Variants in TTC7A observed in about 807,000 individuals in gnomAD.
The protein encoded by TTC7A is tetratricopeptide repeat domain 7A.
A neutral mutation model predicts 103.7 loss-of-function variants in TTC7A; 110 were observed. The observed-to-expected ratio is 1.06, with a 90% CI of 0.91 to 1.24. The LOEUF (loss-of-function observed/expected upper bound fraction) is 1.24, where lower values mean the gene tolerates loss of function less well. Among genes scored for constraint, TTC7A ranks in the 50% most tolerant of loss-of-function variants. The pLI, the probability that TTC7A is intolerant of heterozygous loss-of-function variation, is 0.00. For missense variants in TTC7A, 1,340 were observed against 1,116.3 expected (o/e 1.20, Z -2.86); for synonymous variants, 521 against 467.9 (o/e 1.11, Z -1.47).
chr2:47,048,794 G>A (rs908058757), intron 16 of TTC7A, among the ~76,000 whole-genome samples: 4 of 151,986 alleles, frequency 2.6e-5, no homozygotes, highest in African/African-American at 7.3e-5. Context: ...GTAGAGATGG[G>A]GTCATACTCT....
chr2:47,023,540 C>G, intron 13 of TTC7A, 75 bp downstream of exon 13: 8 of 1,419,622 alleles, frequency 5.6e-6, no homozygotes, highest in Non-Finnish European at 7.0e-6. Context: ...CGTCATCAGA[C>G]CCTCTGATGT....
chr2:46,936,463 T>A (rs554747218), upstream of TTC7A, among the ~76,000 whole-genome samples: 27 of 152,290 alleles, frequency 1.8e-4, no homozygotes, highest in African/African-American at 6.3e-4. Context: ...ACCCTCTGTC[T>A]GCTGGGAACT....
At chr2:46,938,973 T>C (rs1670115260), upstream of TTC7A, among the ~76,000 whole-genome samples, 2 of 147,128 alleles carry the variant, frequency 1.4e-5, no homozygotes, top group African/African-American at 5.1e-5. Context: ...ATCGTGCCAC[T>C]GCATTCCAGC....
At chr2:46,999,731 T>C (rs13399571) in intron 8 of TTC7A, 77,923 of 985,346 alleles carry the variant, frequency 0.079, 3,700 homozygotes, top group African/African-American at 0.19. Context: ...AACTAGGAGA[T>C]ACAGGAATCT....
In TTC7A at chr2:47,014,298, C is replaced by T. The variant is rs192636919; in HGVS notation, c.1392+2863C>T. 3.2e-4 allele frequency among the ~76,000 whole-genome samples: 48 copies of T among 152,280 alleles called. 1 individual carries two copies. In the East Asian group the frequency reaches 8.9e-3, roughly 28 times the overall value. Reference sequence around the variant, plus strand: ...ACGAAGCGACACACATCCCAACCTGCCAGGAAGGGACCAGATGAGGGATCT... The same window carrying T: ...ACGAAGCGACACACATCCCAACCTGTCAGGAAGGGACCAGATGAGGGATCT... On this transcript the variant is annotated intron_variant, in intron 11 of 19. Coordinates refer to ENST00000319190, the MANE Select transcript of TTC7A (RefSeq NM_020458.4).
intron 15 of TTC7A, among the ~76,000 whole-genome samples, chr2:47,032,285 C>G (rs1680629137): frequency 6.6e-6 from 1 of 152,140 alleles, no homozygotes. Flanking sequence ...CAAAGGGAGC[C>G]CGACCTCAAA....
At chr2:46,989,578 A>ATC (rs1417372358) in intron 5 of TTC7A, among the ~76,000 whole-genome samples, 1 of 150,618 alleles carries the variant, frequency 6.6e-6, no homozygotes, top group Non-Finnish European at 1.5e-5. Context: ...GGGACCCCAG[A>ATC]TCTCTCCCTG....
At chr2:47,044,096 C>T (rs1682052954) in intron 15 of TTC7A, among the ~76,000 whole-genome samples, 1 of 152,174 alleles carries the variant, frequency 6.6e-6, no homozygotes, top group Non-Finnish European at 1.5e-5. Context: ...GAGGGGCTTT[C>T]CCACCTCACT....
At chr2:47,073,664 G>T (rs749357062) in intron 19 of TTC7A, 38 bp from the exon 20 acceptor site, 7 of 1,592,208 alleles carry the variant, frequency 4.4e-6, no homozygotes, top group Non-Finnish European at 3.4e-6. Context: ...TGTGCCATGG[G>T]ACACCCCTAC....
intron 10 of TTC7A, among the ~76,000 whole-genome samples, chr2:47,010,744 G>T (rs890277905): frequency 2.6e-5 from 4 of 152,204 alleles, no homozygotes; most frequent in African/African-American, 9.7e-5. Context: ...GTGTCACCCA[G>T]GCTGGAGTGC....
rs1320846036 is a variant in TTC7A, at chr2:47,006,619, GCTGA to G, written c.1204-19_1204-16del. ...GTGGGAGGACCCCTGGTGGGTAAAT[GCTGA>G]CTATCTCCCCTCCCCAGTGCCTGGA... is the stretch of plus-strand genomic sequence containing the variant. On this transcript the variant is annotated intron_variant, in intron 9 of 19. Transcript: ENST00000319190. The G allele has an allele frequency of 6.2e-7, 1 of 1,607,510 alleles. No homozygotes were observed. The highest frequency in any genetic ancestry group is 1.3e-5 in the African/African-American group (1 of 74,914).
chr2:46,935,207 G>C (rs1210230180), intron 2 of TTC7A, among the ~76,000 whole-genome samples: 2 of 152,054 alleles, frequency 1.3e-5, no homozygotes, highest in Non-Finnish European at 2.9e-5. Context: ...GCTGTGAAGG[G>C]GTCAGGCGTG....
intron 4 of TTC7A, among the ~76,000 whole-genome samples, chr2:46,977,676 C>T (rs930014765): frequency 6.6e-6 from 1 of 152,166 alleles, no homozygotes; most frequent in African/African-American, 2.4e-5. Context: ...GGAATCCATA[C>T]CTGGCTAGGC....
chr2:46,924,378 C>G (rs1669278808), intron 2 of TTC7A, among the ~76,000 whole-genome samples: 1 of 152,052 alleles, frequency 6.6e-6, no homozygotes. Flanking sequence ...GAGAATTTTC[C>G]CTACTTTATT....
intron 5 of TTC7A, among the ~76,000 whole-genome samples, chr2:46,985,781 G>A (rs1171180245): frequency 6.6e-6 from 1 of 152,218 alleles, no homozygotes; most frequent in Non-Finnish European, 1.5e-5. Flanking sequence ...TGGTCACAGT[G>A]ATATCCTCGT....
At chr2:47,010,807 C>G (rs550773083) in intron 10 of TTC7A, among the ~76,000 whole-genome samples, 2 of 152,202 alleles carry the variant, frequency 1.3e-5, no homozygotes, top group African/African-American at 4.8e-5. Flanking sequence ...TCAAGCGATT[C>G]TCGTGTCTCA....
intron 2 of TTC7A, among the ~76,000 whole-genome samples, chr2:46,935,957 G>C (rs1260022649): frequency 6.6e-6 from 1 of 152,038 alleles, no homozygotes; most frequent in Non-Finnish European, 1.5e-5. Context: ...TAGGGGTGGT[G>C]GCGTGTGCCT....
intron 5 of TTC7A, among the ~76,000 whole-genome samples, chr2:46,987,517 G>GA (rs929042329): frequency 6.6e-6 from 1 of 152,210 alleles, no homozygotes; most frequent in African/African-American, 2.4e-5. Context: ...CCTTTACCCA[G>GA]AGTGGGCAAG....
intron 3 of TTC7A, among the ~76,000 whole-genome samples, chr2:46,963,858 G>A (rs1672599696): frequency 6.6e-6 from 1 of 152,150 alleles, no homozygotes; most frequent in South Asian, 2.1e-4. Context: ...CATGGACCTG[G>A]CTTGGTCTCA....
Sources: gnomAD v4.1 joint callset for allele counts (sites outside exome capture counted in the v4.1 genomes callset) on GRCh38, gnomAD v4.1.1 for gene constraint, MANE v1.5 for transcripts, NCBI Gene and HGNC (gene_info 2026-07-23, HGNC 2026-07-21) for gene names.